The following NCK1 variants were observed in gnomAD, a reference collection of about 807,000 sequenced individuals.
NCK1 encodes NCK adaptor protein 1.
NCK1 carries 19 observed loss-of-function variants against 36.6 expected under a neutral mutation model. The observed-to-expected ratio is 0.52, with a 90% CI of 0.36 to 0.76. NCK1 has a LOEUF of 0.76. Among genes scored for constraint, NCK1 ranks in the 30% least tolerant of loss-of-function variants. The pLI is 0.00. For missense variants in NCK1, 358 were observed against 445.6 expected (o/e 0.80, Z 1.77); for synonymous variants, 165 against 156.0 (o/e 1.06, Z -0.43).
Position 136,891,925 on chromosome 3 carries a change from A to G in NCK1, c.-19+29572A>G, listed in dbSNP as rs185133640. ...CTTTTTAGAGACAAAGTCTCACTGT[A>G]TCACTCAGGCTGGAATAGAGTGACA... On this transcript the variant is annotated intron_variant, in intron 1 of 3. Coordinates refer to ENST00000481752, the MANE Select transcript of NCK1 (RefSeq NM_001291999.2). Among the ~76,000 whole-genome samples the G allele has an allele frequency of 2.0e-5, 3 of 152,284 alleles. No individual in the cohort carries two copies. In the East Asian group the frequency reaches 5.8e-4, roughly 29 times the overall value.
intron 2 of NCK1, among the ~76,000 whole-genome samples, chr3:136,940,647 C>T (rs1471642569): frequency 1.3e-5 from 2 of 152,024 alleles, no homozygotes; most frequent in African/African-American, 4.8e-5. Flanking sequence ...CAGGTTCAAG[C>T]GATTCTTCTG....
chr3:136,890,852 C>T (rs1485602032), intron 1 of NCK1, among the ~76,000 whole-genome samples: 1 of 152,160 alleles, frequency 6.6e-6, no homozygotes, highest in African/African-American at 2.4e-5. Flanking sequence ...TTTTTGCCAC[C>T]TGAAACTCTG....
chr3:136,888,260 T>G (rs1939127171), intron 1 of NCK1, among the ~76,000 whole-genome samples: 1 of 152,152 alleles, frequency 6.6e-6, no homozygotes, highest in African/African-American at 2.4e-5. Context: ...CTTTATTTTA[T>G]GATTCCATTC....
At chr3:136,867,714 A>G (rs1050471252) in intron 1 of NCK1, among the ~76,000 whole-genome samples, 1 of 152,180 alleles carries the variant, frequency 6.6e-6, no homozygotes, top group African/African-American at 2.4e-5. Context: ...TAGATGCACC[A>G]AAATTCAAAC....
intron 1 of NCK1, among the ~76,000 whole-genome samples, chr3:136,908,495 G>A (rs1277828777): frequency 6.6e-6 from 1 of 152,192 alleles, no homozygotes; most frequent in Non-Finnish European, 1.5e-5. Flanking sequence ...CAGGGTTGAC[G>A]TGGTTCTGAA....
intron 1 of NCK1, among the ~76,000 whole-genome samples, chr3:136,915,605 T>C (rs1020709899): frequency 1.3e-5 from 2 of 152,174 alleles, no homozygotes; most frequent in East Asian, 3.8e-4. Flanking sequence ...AATAACTACT[T>C]GAGACTGGGT....
intron 1 of NCK1, among the ~76,000 whole-genome samples, chr3:136,867,277 C>CT (rs770077228): frequency 2.7e-5 from 4 of 148,204 alleles, no homozygotes; most frequent in East Asian, 2.0e-4. Flanking sequence ...TTCTTTCTTT[C>CT]TTCTTTCTTT....
At chr3:136,921,398 TG>T (rs1268439274) in intron 1 of NCK1, among the ~76,000 whole-genome samples, 9 of 152,204 alleles carry the variant, frequency 5.9e-5, no homozygotes, top group Non-Finnish European at 1.0e-4. Context: ...GGAGGAACTG[TG>T]GGCAGTAGTT....
intron 1 of NCK1, among the ~76,000 whole-genome samples, chr3:136,880,022 C>G (rs1297366365): frequency 6.8e-6 from 1 of 146,240 alleles, no homozygotes; most frequent in African/African-American, 2.5e-5. Flanking sequence ...CAGTGGCTCA[C>G]GCCTGTAATC....
rs758353596 is a variant in NCK1 at position 136,948,495 on chromosome 3, C to G, written c.*42C>G. The stretch of plus-strand genomic sequence containing the variant: ...TGACTGCTGTGTAGCTGTAATTTGT[C>G]ATGTAATTGAAGACTGAGAAAATGT... On this transcript the variant is annotated 3_prime_UTR_variant, in exon 4 of 4. Coordinates refer to ENST00000481752, the MANE Select transcript of NCK1 (RefSeq NM_001291999.2). The G allele has an allele frequency of 6.5e-7, 1 of 1,541,588 alleles. No homozygotes were observed. Among genetic ancestry groups the G allele is most frequent in the Non-Finnish European group, 8.9e-7 (1 of 1,129,488 alleles).
At chr3:136,898,359 C>T (rs1187349957) in intron 1 of NCK1, among the ~76,000 whole-genome samples, 1 of 147,142 alleles carries the variant, frequency 6.8e-6, no homozygotes, top group Non-Finnish European at 1.5e-5. Context: ...ATCGTGCCAG[C>T]CTGGGTGATA....
Position 136,946,016 on chromosome 3 carries a change from T to C in NCK1, c.660T>C (p.Ile220=). 3 of 1,614,012 alleles carry C rather than the reference T, an allele frequency of 1.9e-6. No individual in the cohort carries two copies. The highest frequency in any genetic ancestry group is 2.5e-6 in the Non-Finnish European group (3 of 1,179,998). Reference sequence around the variant, plus strand: ...AGAAAGGAGATGTAATGGATGTTATTGAAAAACCTGAAAATGACCCAGAGT... The same window carrying C: ...AGAAAGGAGATGTAATGGATGTTATCGAAAAACCTGAAAATGACCCAGAGT... ...NFEKGDVMDV[I]EKPENDPEWW... The change falls in exon 3 of 4, where the codon ATT becomes ATC. Residue 220 remains isoleucine (I), a synonymous_variant. Coordinates refer to ENST00000481752, the MANE Select transcript of NCK1 (RefSeq NM_001291999.2).
intron 1 of NCK1, among the ~76,000 whole-genome samples, chr3:136,862,877 C>G (rs1275047613): frequency 6.9e-6 from 1 of 143,944 alleles, no homozygotes; most frequent in Non-Finnish European, 1.5e-5. Context: ...CACCCACCGG[C>G]CGTTTTCTAG....
intron 2 of NCK1, among the ~76,000 whole-genome samples, chr3:136,929,312 T>G (rs1940332895): frequency 6.6e-6 from 1 of 152,224 alleles, no homozygotes; most frequent in South Asian, 2.1e-4. Context: ...ATTTAATGTT[T>G]TTAACCATTG....
chr3:136,888,141 C>T (rs571694367), intron 1 of NCK1, among the ~76,000 whole-genome samples: 2 of 151,984 alleles, frequency 1.3e-5, no homozygotes, highest in South Asian at 2.1e-4. Flanking sequence ...GACAGGGTTT[C>T]GCCATGTTGG....
intron 1 of NCK1, among the ~76,000 whole-genome samples, chr3:136,912,942 G>A (rs942880682): frequency 6.6e-6 from 1 of 152,092 alleles, no homozygotes; most frequent in African/African-American, 2.4e-5. Flanking sequence ...ACAGGTGTGA[G>A]CCACTGCACC....
intron 1 of NCK1, among the ~76,000 whole-genome samples, chr3:136,871,561 G>GC (rs1938618804): frequency 6.6e-6 from 1 of 152,010 alleles, no homozygotes; most frequent in Admixed American, 6.6e-5. Flanking sequence ...GCTCTCTTGC[G>GC]CCCCCTCCAA....
Position 136,951,348 on chromosome 3 carries a change from AGT to A in NCK1, c.*2897_*2898del, listed in dbSNP as rs1294983350. ...CCTTCTTCAGGGTACATCTAAACAC[AGT>A]GGCCTTATACAGAAATGTTGTTCAA... On this transcript the variant is annotated 3_prime_UTR_variant, in exon 4 of 4. Transcript: ENST00000481752. Among the ~76,000 whole-genome samples, 3 of 152,216 alleles carry A rather than the reference AGT, an allele frequency of 2.0e-5. No individual in the cohort carries two copies. Among genetic ancestry groups the A allele is most frequent in the African/African-American group, 7.2e-5 (3 of 41,464 alleles).
At chr3:136,914,168 G>A (rs560298013) in intron 1 of NCK1, among the ~76,000 whole-genome samples, 81 of 152,328 alleles carry the variant, frequency 5.3e-4, no homozygotes, top group African/African-American at 1.7e-3. Flanking sequence ...CTGCTTCTGT[G>A]TCTGTATCTC....
Sources: gnomAD v4.1 joint callset for allele counts (sites outside exome capture counted in the v4.1 genomes callset) on GRCh38, gnomAD v4.1.1 for gene constraint, MANE v1.5 for transcripts, NCBI Gene and HGNC (gene_info 2026-07-23, HGNC 2026-07-21) for gene names.